The following NTM variants were observed in gnomAD, a reference collection of about 807,000 sequenced individuals.
NTM encodes neurotrimin.
Under a neutral mutation model 42.1 loss-of-function variants are expected in NTM, and 13 were observed. That is an observed-to-expected ratio of 0.31 (90% CI 0.20 to 0.49). The LOEUF is 0.49. Ranked by LOEUF, NTM falls within the 20% of genes least tolerant of loss-of-function variation. The pLI is 0.99. For synonymous variants in NTM, 187 were observed against 179.2 expected, an observed-to-expected ratio of 1.04 and a Z score of -0.35; for missense variants, 373 against 452.8, an observed-to-expected ratio of 0.82 and a Z score of 1.60.
At chr11:131,790,963 C>G (rs1164750347) in intron 1 of NTM, among the ~76,000 whole-genome samples, 1 of 152,186 alleles carries the variant, frequency 6.6e-6, no homozygotes. Context: ...GCAATAACTA[C>G]TACTAATTAA....
At position 132,021,923 on chromosome 11, in the gene NTM, A is replaced by G. The variant is rs147785375; in HGVS notation, c.167+110275A>G. Among the ~76,000 whole-genome samples the G allele has an allele frequency of 3.7e-4, 56 of 152,312 alleles. No individual in the cohort carries two copies. In the East Asian group the frequency reaches 9.5e-3, roughly 26 times the overall value. ...AGTGTCAACTAAGAATATAGGCCTG[A>G]CTTGAGCCCTCTCCAGGCTATGGTG... On this transcript the variant is annotated intron_variant, in intron 2 of 8. Transcript: ENST00000683400.
chr11:131,644,147 A>C (rs2875370), intron 1 of NTM, among the ~76,000 whole-genome samples: 89,415 of 151,858 alleles, frequency 0.59, 26,667 homozygotes, highest in East Asian at 0.79. Context: ...CCTTCCCTTC[A>C]TCTTCAGCTT....
intron 1 of NTM, among the ~76,000 whole-genome samples, chr11:131,584,302 C>G (rs551731046): frequency 6.6e-6 from 1 of 152,324 alleles, no homozygotes; most frequent in South Asian, 2.1e-4. Flanking sequence ...TGGCCGGCTA[C>G]TAACCCAGCC....
At chr11:131,801,418 T>C (rs987937489) in intron 1 of NTM, among the ~76,000 whole-genome samples, 21 of 152,154 alleles carry the variant, frequency 1.4e-4, no homozygotes, top group African/African-American at 5.1e-4. Context: ...CTCCCATTGT[T>C]ACCTTGGGAC....
chr11:132,266,948 G>T (rs918488152), intron 4 of NTM, among the ~76,000 whole-genome samples: 2 of 152,178 alleles, frequency 1.3e-5, no homozygotes, highest in Non-Finnish European at 2.9e-5. Context: ...AGCATTAGAG[G>T]TTGTTAGTCC....
intron 1 of NTM, among the ~76,000 whole-genome samples, chr11:131,758,486 C>T (rs916817633): frequency 2.1e-4 from 32 of 152,166 alleles, no homozygotes; most frequent in Admixed American, 2.6e-4. Flanking sequence ...AAATAACTGT[C>T]CCCAAACTTA....
At chr11:131,892,531 TTC>T (rs1178957985) in intron 1 of NTM, among the ~76,000 whole-genome samples, 1 of 152,214 alleles carries the variant, frequency 6.6e-6, no homozygotes, top group Non-Finnish European at 1.5e-5. Flanking sequence ...CCCCCTACTT[TTC>T]TCTGTGTATT....
intron 1 of NTM, among the ~76,000 whole-genome samples, chr11:131,461,182 A>G (rs868085007): frequency 9.2e-4 from 140 of 152,338 alleles, no homozygotes; most frequent in African/African-American, 3.1e-3. Context: ...GCCTGTGGGC[A>G]ATCACTGTTA....
At chr11:131,610,449 A>G (rs2061376482) in intron 1 of NTM, among the ~76,000 whole-genome samples, 1 of 152,210 alleles carries the variant, frequency 6.6e-6, no homozygotes, top group African/African-American at 2.4e-5. Context: ...TTCTTCTCCT[A>G]TGTAGAATAG....
intron 1 of NTM, among the ~76,000 whole-genome samples, chr11:131,836,428 T>C (rs1387791730): frequency 6.6e-6 from 1 of 152,226 alleles, no homozygotes; most frequent in Non-Finnish European, 1.5e-5. Flanking sequence ...TTTGTATATG[T>C]AATTGTGTAG....
At chr11:131,717,647 T>A (rs1301056392) in intron 1 of NTM, among the ~76,000 whole-genome samples, 1 of 152,234 alleles carries the variant, frequency 6.6e-6, no homozygotes, top group East Asian at 1.9e-4. Flanking sequence ...TATATGGCAA[T>A]CAAGTAATCT....
intron 7 of NTM, among the ~76,000 whole-genome samples, chr11:132,322,990 A>G (rs11223010): frequency 0.24 from 30,715 of 129,860 alleles, 4,167 homozygotes; most frequent in Non-Finnish European, 0.35. Flanking sequence ...ATGAGAACAA[A>G]GACACAACAT....
chr11:131,381,650 T>G (rs1942696522), intron 1 of NTM, among the ~76,000 whole-genome samples: 1 of 152,170 alleles, frequency 6.6e-6, no homozygotes, highest in Non-Finnish European at 1.5e-5. Flanking sequence ...TGAGATACCG[T>G]GGCATTTCAC....
intron 2 of NTM, among the ~76,000 whole-genome samples, chr11:131,916,243 G>T (rs1241521738): frequency 1.3e-5 from 2 of 152,202 alleles, no homozygotes; most frequent in Non-Finnish European, 2.9e-5. Context: ...AAGCCCCAAT[G>T]CATGGGTGTC....
At chr11:131,561,988 G>C (rs1013604852) in intron 1 of NTM, among the ~76,000 whole-genome samples, 8 of 152,334 alleles carry the variant, frequency 5.3e-5, no homozygotes, top group African/African-American at 1.7e-4. Flanking sequence ...GCCACTCTCT[G>C]TGATTTTATT....
chr11:131,459,170 T>C (rs1014293827), intron 1 of NTM, among the ~76,000 whole-genome samples: 2 of 152,210 alleles, frequency 1.3e-5, no homozygotes, highest in African/African-American at 4.8e-5. Context: ...AGAAAGTAGA[T>C]CAGACAGCTG....
intron 1 of NTM, among the ~76,000 whole-genome samples, chr11:131,865,185 G>A (rs910587927): frequency 1.3e-5 from 2 of 152,218 alleles, no homozygotes; most frequent in African/African-American, 4.8e-5. Context: ...CTGAGGCTTA[G>A]AAAGATCGAG....
At chr11:131,845,879 C>G (rs997326520) in intron 1 of NTM, among the ~76,000 whole-genome samples, 2 of 151,950 alleles carry the variant, frequency 1.3e-5, no homozygotes, top group Non-Finnish European at 1.5e-5. Flanking sequence ...TGGTATTATC[C>G]TCTTCTGGTT....
chr11:131,470,943 G>A (rs1305998018), intron 1 of NTM, among the ~76,000 whole-genome samples: 1 of 152,190 alleles, frequency 6.6e-6, no homozygotes, highest in Non-Finnish European at 1.5e-5. Flanking sequence ...GCTACACTGT[G>A]CTCGCCGAGT....
Sources: allele counts gnomAD v4.1 joint callset (sites outside exome capture counted in the v4.1 genomes callset), GRCh38; gene constraint gnomAD v4.1.1; transcripts MANE v1.5; gene names NCBI Gene and HGNC (gene_info 2026-07-23, HGNC 2026-07-21).